Variants in CHCHD6 observed in about 807,000 individuals in gnomAD.
The protein encoded by CHCHD6 is MICOS complex subunit MIC25.
Under a neutral mutation model 32.3 loss-of-function variants are expected in CHCHD6, and 28 were observed. The ratio of observed to expected loss-of-function variants is 0.87; its 90% confidence interval spans 0.64 to 1.19. The LOEUF (loss-of-function observed/expected upper bound fraction) is 1.19, where lower values mean the gene tolerates loss of function less well. Ranked by LOEUF, CHCHD6 falls within the 50% of genes most tolerant of loss-of-function variation. CHCHD6 has a pLI of 0.00. For synonymous variants in CHCHD6, 122 were observed against 117.5 expected, an observed-to-expected ratio of 1.04 and a Z score of -0.25; for missense variants, 333 against 307.0, an observed-to-expected ratio of 1.08 and a Z score of -0.63.
intron 5 of CHCHD6, among the ~76,000 whole-genome samples, chr3:126,893,328 C>A (rs1559907857): frequency 6.6e-6 from 1 of 152,122 alleles, no homozygotes; most frequent in Non-Finnish European, 1.5e-5. Flanking sequence ...TATTTGGATT[C>A]CTGAGGATAG....
At chr3:126,827,977 A>G (rs559690472) in intron 4 of CHCHD6, among the ~76,000 whole-genome samples, 63 of 151,950 alleles carry the variant, frequency 4.1e-4, no homozygotes, top group African/African-American at 1.5e-3. Flanking sequence ...AACATCCTTC[A>G]CCTATTAACT....
intron 4 of CHCHD6, among the ~76,000 whole-genome samples, chr3:126,745,813 G>A (rs1936476586): frequency 6.6e-6 from 1 of 152,186 alleles, no homozygotes; most frequent in South Asian, 2.1e-4. Flanking sequence ...AGCTATTCAG[G>A]GCTGCTGTCT....
At chr3:126,785,232 T>G (rs1938138563) in intron 4 of CHCHD6, among the ~76,000 whole-genome samples, 1 of 152,156 alleles carries the variant, frequency 6.6e-6, no homozygotes, top group Non-Finnish European at 1.5e-5. Context: ...CTCTACTCAC[T>G]AGATGCCAAT....
chr3:126,737,083 G>A (rs1183251650), intron 4 of CHCHD6, among the ~76,000 whole-genome samples: 3 of 152,078 alleles, frequency 2.0e-5, no homozygotes, highest in Non-Finnish European at 4.4e-5. Context: ...CACTTTGGGA[G>A]GCTAAGGTGG....
At chr3:126,805,738 C>T (rs1275058816) in intron 4 of CHCHD6, among the ~76,000 whole-genome samples, 15 of 152,134 alleles carry the variant, frequency 9.9e-5, no homozygotes, top group Admixed American at 3.3e-4. Context: ...GAGCCCGCAT[C>T]GCCAAGTCGA....
chr3:126,727,779 G>T (rs1291417525), intron 2 of CHCHD6, among the ~76,000 whole-genome samples: 5 of 152,192 alleles, frequency 3.3e-5, no homozygotes, highest in Non-Finnish European at 7.3e-5. Context: ...TATTGTGCGT[G>T]TTGCAAATGA....
intron 4 of CHCHD6, among the ~76,000 whole-genome samples, chr3:126,771,246 C>T (rs1172071828): frequency 1.3e-5 from 2 of 149,198 alleles, no homozygotes; most frequent in African/African-American, 2.5e-5. Context: ...TGCTCTGTCG[C>T]CAGATTGGAG....
In CHCHD6 at chr3:126,864,575, T is replaced by A. The variant is rs546526583; in HGVS notation, c.495+11845T>A. On this transcript the variant is annotated intron_variant, in intron 5 of 7. Transcript: ENST00000290913. ...CTCCTCCTCCTCCTTCTCCACCACCTCCTTCTCCACCTCCACCACCTCCTT... is the reference window on the plus strand; with the variant it reads ...CTCCTCCTCCTCCTTCTCCACCACCACCTTCTCCACCTCCACCACCTCCTT... Among the ~76,000 whole-genome samples, 8 of 136,390 alleles carry A rather than the reference T, an allele frequency of 5.9e-5. No homozygotes were observed. In the East Asian group the frequency reaches 1.2e-3, roughly 21 times the overall value. The allele number at this position is 136,390 out of a possible 152,430, so 89.5% of individuals were successfully genotyped here.
At chr3:126,806,250 C>T (rs1939370762) in intron 4 of CHCHD6, among the ~76,000 whole-genome samples, 1 of 152,150 alleles carries the variant, frequency 6.6e-6, no homozygotes, top group South Asian at 2.1e-4. Context: ...AAACTACCAT[C>T]AGAGTGAACA....
chr3:126,831,066 C>T (rs2107541680), intron 4 of CHCHD6, among the ~76,000 whole-genome samples: 1 of 151,632 alleles, frequency 6.6e-6, no homozygotes, highest in South Asian at 2.1e-4. Flanking sequence ...CTCTTTTGCT[C>T]AGGCTGGAGT....
intron 5 of CHCHD6, among the ~76,000 whole-genome samples, chr3:126,902,620 G>A (rs184890773): frequency 0.03 from 4,526 of 151,774 alleles, 98 homozygotes; most frequent in Non-Finnish European, 0.039. Flanking sequence ...AGGAGGCTGA[G>A]GCAGCAGAAT....
chr3:126,917,837 A>G (rs9828007), intron 6 of CHCHD6, among the ~76,000 whole-genome samples: 1 of 152,150 alleles, frequency 6.6e-6, no homozygotes, highest in Non-Finnish European at 1.5e-5. Context: ...CAGAGAGAAG[A>G]CACCATCTAT....
intron 4 of CHCHD6, among the ~76,000 whole-genome samples, chr3:126,787,638 G>A (rs1055352066): frequency 1.3e-5 from 2 of 152,208 alleles, no homozygotes; most frequent in East Asian, 1.9e-4. Flanking sequence ...TCTGTTATTG[G>A]TGTATAGGAA....
At chr3:126,774,691 T>C (rs1937604250) in intron 4 of CHCHD6, among the ~76,000 whole-genome samples, 1 of 152,118 alleles carries the variant, frequency 6.6e-6, no homozygotes, top group Non-Finnish European at 1.5e-5. Flanking sequence ...GGAAGGTGGG[T>C]TGAGGCATCT....
intron 1 of CHCHD6, among the ~76,000 whole-genome samples, chr3:126,709,851 A>C (rs1934671738): frequency 6.6e-6 from 1 of 152,156 alleles, no homozygotes; most frequent in South Asian, 2.1e-4. Context: ...TTTTATTGTT[A>C]AGCTATAAGA....
chr3:126,888,763 G>T (rs148171265), intron 5 of CHCHD6, among the ~76,000 whole-genome samples: 1 of 152,290 alleles, frequency 6.6e-6, no homozygotes, highest in Non-Finnish European at 1.5e-5. Flanking sequence ...CCCCACCATG[G>T]AGCAGTGCTC....
At chr3:126,847,682 T>G (rs114160528) in intron 4 of CHCHD6, among the ~76,000 whole-genome samples, 2,741 of 152,184 alleles carry the variant, frequency 0.018, 31 homozygotes, top group Middle Eastern at 0.051. Flanking sequence ...GGTAACCAAT[T>G]TACTTACACT....
intron 5 of CHCHD6, among the ~76,000 whole-genome samples, chr3:126,862,656 C>T (rs1180853313): frequency 1.5e-5 from 2 of 133,492 alleles, no homozygotes; most frequent in Non-Finnish European, 3.2e-5. Flanking sequence ...CCACCATCAC[C>T]ACCTCCCCCT....
chr3:126,954,669 G>C (rs1228316513), intron 6 of CHCHD6, among the ~76,000 whole-genome samples: 1 of 152,234 alleles, frequency 6.6e-6, no homozygotes, highest in Non-Finnish European at 1.5e-5. Flanking sequence ...CCACGGTGCA[G>C]CCAGGAACCA....
Sources: allele counts gnomAD v4.1 joint callset (sites outside exome capture counted in the v4.1 genomes callset), GRCh38; gene constraint gnomAD v4.1.1; transcripts MANE v1.5; gene names NCBI Gene and HGNC (gene_info 2026-07-23, HGNC 2026-07-21).